The following ELOVL5 variants were observed in gnomAD, a reference collection of about 807,000 sequenced individuals.
The protein encoded by ELOVL5 is very long chain fatty acid elongase 5.
In ELOVL5, 8 loss-of-function variants were observed where a neutral mutation model predicts 38.6. That is an observed-to-expected ratio of 0.21 (90% confidence interval 0.12 to 0.37). ELOVL5 has a LOEUF of 0.37. Ranked by LOEUF, ELOVL5 falls within the 10% of genes least tolerant of loss-of-function variation. ELOVL5 has a pLI of 1.00. For synonymous variants in ELOVL5, 127 were observed against 133.7 expected (o/e 0.95, Z 0.34); for missense variants, 280 against 367.8 (o/e 0.76, Z 1.95).
chr6:53,294,202 T>A, intron 2 of ELOVL5: 2 of 1,473,206 alleles, frequency 1.4e-6, no homozygotes, highest in East Asian at 5.0e-5. Flanking sequence ...CCCGGGCACC[T>A]GACCCGAACT....
At position 53,348,808 on chromosome 6, in the gene ELOVL5, C is replaced by G; in HGVS notation, c.-9+9G>C. On this transcript the variant is annotated intron_variant, in intron 1 of 7. Coordinates refer to ENST00000304434, the MANE Select transcript of ELOVL5 (RefSeq NM_021814.5). ...CCCCGACGAAGTTTCCCGGAGCTGA[C>G]GGCTTTACCTTTTAGCCCAAGGGGC... 1 of 455,246 alleles carries G rather than the reference C, an allele frequency of 2.2e-6. No individual in the cohort carries two copies. The highest frequency in any genetic ancestry group is 4.4e-6 in the Non-Finnish European group (1 of 226,576). 28.2% of individuals were successfully genotyped at this position (455,246 alleles called of 1,614,324 possible).
intron 1 of ELOVL5, among the ~76,000 whole-genome samples, chr6:53,320,774 G>A (rs1265674017): frequency 6.6e-6 from 1 of 152,046 alleles, no homozygotes; most frequent in Non-Finnish European, 1.5e-5. Flanking sequence ...GCCTTAAAAA[G>A]TTCTTAGGAC....
chr6:53,318,257 A>AC (rs961196505), intron 1 of ELOVL5, among the ~76,000 whole-genome samples: 3 of 152,238 alleles, frequency 2.0e-5, no homozygotes, highest in African/African-American at 7.2e-5. Context: ...ACAAAAAGCT[A>AC]CCAAGAGTAT....
At chr6:53,311,555 T>A (rs1056926346) in intron 1 of ELOVL5, among the ~76,000 whole-genome samples, 1 of 152,232 alleles carries the variant, frequency 6.6e-6, no homozygotes, top group Non-Finnish European at 1.5e-5. Context: ...ACATTATTTA[T>A]AACAGTCAAA....
chr6:53,294,329 A>G, intron 2 of ELOVL5: 1 of 1,576,478 alleles, frequency 6.3e-7, no homozygotes. Context: ...GTTTTGAGGG[A>G]TGACAGCTGG....
chr6:53,319,429 G>A (rs1249177672), intron 1 of ELOVL5, among the ~76,000 whole-genome samples: 1 of 151,380 alleles, frequency 6.6e-6, no homozygotes, highest in Non-Finnish European at 1.5e-5. Flanking sequence ...TTTTCTAATA[G>A]TTGAAAATCA....
At position 53,269,226 on chromosome 6, in the gene ELOVL5, C is replaced by A; in HGVS notation, c.801G>T (p.Lys267Asn). ...KGASRRKDHL[K>N]DHQNGSMAAV... ...CAGCCATGGACCCATTCTGGTGGTC[C>A]TTCAGGTGGTCTTTCCTTCGGGAGG... The change falls in exon 8 of 8, where the codon AAG becomes AAT. Residue 267 changes from lysine (K) to asparagine (N), a missense_variant. Physicochemically the swap from Lys to Asn is moderately conservative, Grantham distance 94. Coordinates refer to ENST00000304434, the MANE Select transcript of ELOVL5 (RefSeq NM_021814.5). The A allele has an allele frequency of 6.2e-7, 1 of 1,613,016 alleles. No individual in the cohort carries two copies.
intron 6 of ELOVL5, 80 bp downstream of exon 6, chr6:53,273,140 C>A (rs1765985461): frequency 6.8e-7 from 1 of 1,465,308 alleles, no homozygotes; most frequent in African/African-American, 1.4e-5. Flanking sequence ...ATCTTAGATG[C>A]TATTACATAA....
At chr6:53,313,021 G>C (rs114282442) in intron 1 of ELOVL5, among the ~76,000 whole-genome samples, 1 of 152,260 alleles carries the variant, frequency 6.6e-6, no homozygotes, top group South Asian at 2.1e-4. Flanking sequence ...CAGGTGATGG[G>C]GATACTGTTT....
At chr6:53,347,720 C>T (rs1769620704) in intron 1 of ELOVL5, among the ~76,000 whole-genome samples, 1 of 152,180 alleles carries the variant, frequency 6.6e-6, no homozygotes. Context: ...GAAAGAGACC[C>T]CCCGCCCCCG....
At position 53,342,126 on chromosome 6, in the gene ELOVL5, A is replaced by ATTAATAT. The variant is rs1190060681; in HGVS notation, c.-9+6690_-9+6691insATATTAA. The stretch of plus-strand genomic sequence containing the variant: ...ATTAATATGCAGAAGTTCGGACAGA[A>ATTAATAT]GCAAACTCAAATTTTCACACAGATG... On this transcript the variant is annotated intron_variant, in intron 1 of 7. Coordinates refer to ENST00000304434, the MANE Select transcript of ELOVL5 (RefSeq NM_021814.5). 4.3e-3 allele frequency among the ~76,000 whole-genome samples: 657 copies of ATTAATAT among 152,242 alleles called. 7 individuals are homozygous for ATTAATAT. Among genetic ancestry groups the ATTAATAT allele is most frequent in the African/African-American group, 0.015 (634 of 41,460 alleles).
chr6:53,278,607 C>T lies in ELOVL5; in HGVS notation c.247-2351G>A, dbSNP rs116224931. Among the ~76,000 whole-genome samples the T allele has an allele frequency of 2.4e-3, 363 of 152,194 alleles. 6 individuals are homozygous for T. The highest frequency in any genetic ancestry group is 8.5e-3 in the African/African-American group (352 of 41,508). On this transcript the variant is annotated intron_variant, in intron 3 of 7. Transcript: ENST00000304434. ...TGGAGTTTAGTTAAAGAACTCAAAC[C>T]TCAGTATTGGGTGGTGAACTTTTTT...
intron 1 of ELOVL5, among the ~76,000 whole-genome samples, chr6:53,319,188 G>A (rs193087030): frequency 4.0e-5 from 6 of 148,958 alleles, no homozygotes; most frequent in African/African-American, 9.9e-5. Context: ...GGAGAATGGC[G>A]TGAACCCGGT....
intron 1 of ELOVL5, among the ~76,000 whole-genome samples, chr6:53,334,184 G>T (rs982104470): frequency 6.6e-5 from 10 of 152,136 alleles, no homozygotes; most frequent in African/African-American, 2.4e-4. Flanking sequence ...TTAACACGTT[G>T]TAGCAAGCAG....
chr6:53,323,576 C>CT (rs3063792), intron 1 of ELOVL5, among the ~76,000 whole-genome samples: 36,157 of 81,820 alleles, frequency 0.44, 9,496 homozygotes, highest in Admixed American at 0.55. Context: ...TACTAGCCAG[C>CT]TTTTTTTTTT....
chr6:53,334,117 G>T (rs963896381), intron 1 of ELOVL5, among the ~76,000 whole-genome samples: 1 of 152,128 alleles, frequency 6.6e-6, no homozygotes, highest in Non-Finnish European at 1.5e-5. Flanking sequence ...AAACTTTTAG[G>T]ATGTAAACAT....
chr6:53,306,208 A>G (rs1379382774), intron 1 of ELOVL5, among the ~76,000 whole-genome samples: 12 of 37,392 alleles, frequency 3.2e-4, no homozygotes, highest in African/African-American at 2.6e-3. Context: ...GGGGAGGAGA[A>G]AGGGGAGAGG....
At chr6:53,275,053 C>T (rs747364759) in intron 5 of ELOVL5, 37 bp downstream of exon 5, 12 of 1,603,674 alleles carry the variant, frequency 7.5e-6, no homozygotes, top group Non-Finnish European at 1.0e-5. Flanking sequence ...CCTCCCTGCT[C>T]ACACCTGTTC....
chr6:53,327,906 C>T (rs1007760031), intron 1 of ELOVL5, among the ~76,000 whole-genome samples: 1 of 152,068 alleles, frequency 6.6e-6, no homozygotes, highest in African/African-American at 2.4e-5. Context: ...ACCTAAAAGT[C>T]CTTCCCTGAA....
Sources: allele counts gnomAD v4.1 joint callset (sites outside exome capture counted in the v4.1 genomes callset), GRCh38; gene constraint gnomAD v4.1.1; transcripts MANE v1.5; gene names NCBI Gene and HGNC (gene_info 2026-07-23, HGNC 2026-07-21).